LAS1L: variants seen among roughly 807,000 people sequenced by gnomAD.
LAS1L encodes the protein ribosomal biogenesis protein LAS1L.
LAS1L carries 5 observed loss-of-function variants against 57.3 expected under a neutral mutation model. The ratio of observed to expected loss-of-function variants is 0.09; its 90% CI spans 0.05 to 0.18. LAS1L has a LOEUF of 0.18. LAS1L is among the 10% of genes least tolerant of loss of function. LAS1L has a pLI of 1.00. For missense variants in LAS1L, 360 were observed against 568.3 expected, an observed-to-expected ratio of 0.63 and a Z score of 3.73; for synonymous variants, 245 against 231.7, an observed-to-expected ratio of 1.06 and a Z score of -0.52.
In LAS1L at chrX:65,523,692, C is replaced by T. The variant is rs751038156; in HGVS notation, c.1316G>A (p.Arg439Gln). 1.7e-6 allele frequency: 2 copies of T among 1,191,394 alleles called. No individual in the cohort carries two copies. Among genetic ancestry groups the T allele is most frequent in the Non-Finnish European group, 1.1e-6 (1 of 885,947 alleles). ...ANTKTGRNARRFSAGQWEARR... is the reference protein window; with the variant it reads ...ANTKTGRNARQFSAGQWEARR... Reference sequence around the variant, plus strand: ...TGCTTCCCACTGGCCTGCAGAAAATCGGCGAGCATTCCGTCCTGAGAGAGA... The same window carrying T: ...TGCTTCCCACTGGCCTGCAGAAAATTGGCGAGCATTCCGTCCTGAGAGAGA... Residue 439 changes from arginine (R) to glutamine (Q), a missense_variant, in exon 11 of 14, where the codon CGA (arginine) becomes CAA (glutamine). By Grantham distance (43) the Arg-to-Gln change is conservative. Transcript: ENST00000374811.
At chrX:65,529,071 CCT>C (rs778611799) in intron 6 of LAS1L, 139 bp downstream of exon 6, 15 of 540,285 alleles carry the variant, frequency 2.8e-5, no homozygotes, top group South Asian at 7.5e-5. Context: ...CTAGTTCCCC[CCT>C]CTCTCTTTCC....
At chrX:65,525,605 G>T (rs754933872) in intron 7 of LAS1L, among the ~76,000 whole-genome samples, 6 of 109,234 alleles carry the variant, frequency 5.5e-5, no homozygotes, top group Non-Finnish European at 1.1e-4. Flanking sequence ...AAAGTTAGAG[G>T]GGTTGCAGGA....
Position 65,515,413 on chromosome X carries a change from C to A in LAS1L, c.1928-440G>T, listed in dbSNP as rs1260349145. Among the ~76,000 whole-genome samples, 32 of 110,560 alleles carry A rather than the reference C, an allele frequency of 2.9e-4. No homozygotes were observed. The Admixed American group carries it at 3.1e-3, about 11-fold the overall frequency. On this transcript the variant is annotated intron_variant, in intron 12 of 13. Transcript: ENST00000374811. ...CAGAATTCCCAAAGCACCTCCCCCT[C>A]AAACCCCAAACCCACCAGTACCTCA...
intron 6 of LAS1L, 143 bp from the exon 7 acceptor site, chrX:65,528,512 C>T (rs2069294931): frequency 2.3e-6 from 1 of 430,518 alleles, no homozygotes; most frequent in African/African-American, 2.5e-5. Context: ...CCACAACTCC[C>T]CTACTGGCCT....
intron 11 of LAS1L, chrX:65,521,069 G>A: frequency 1.3e-6 from 1 of 751,578 alleles, no homozygotes; most frequent in African/African-American, 2.4e-5. Context: ...CTGGCAATGT[G>A]GCTGTTCAGT....
Position 65,518,292 on chromosome X carries a change from G to A in LAS1L, c.1622C>T (p.Pro541Leu), listed in dbSNP as rs1336546268. ...TTCAGACCCGAAGCTGGAGCTGGCT[G>A]GCTTGACGCTCCAATACAGGCTGTC... Reference protein sequence around the residue: ...TLDSLYWSVKPASSSFGSEAK... With the variant: ...TLDSLYWSVKLASSSFGSEAK... The change falls in exon 12 of 14, where the codon CCA becomes CTA. Residue 541 changes from proline to leucine, a missense_variant. Around this residue, in one of 7 missense-constraint regions of LAS1L, gnomAD observed 123 missense variants for 168.3 expected, o/e 0.73. Coordinates refer to ENST00000374811, the MANE Select transcript of LAS1L (RefSeq NM_031206.7). The A allele has an allele frequency of 8.3e-7, 1 of 1,212,083 alleles. No individual in the cohort carries two copies. Among genetic ancestry groups the A allele is most frequent in the South Asian group, 1.8e-5 (1 of 57,009 alleles).
intron 6 of LAS1L, 148 bp from the exon 7 acceptor site, chrX:65,528,517 T>G: frequency 2.3e-6 from 1 of 431,757 alleles, no homozygotes; most frequent in South Asian, 3.5e-5. Flanking sequence ...ACTCCCCTAC[T>G]GGCCTTGCAA....
rs148048579 is a variant in LAS1L, at chrX:65,534,711, G to A, written c.5C>T (p.Ser2Leu). M[S>L]WESGAGPGLG... The stretch of plus-strand genomic sequence containing the variant: ...ACCTGGCCCGGCCCCGGATTCCCAC[G>A]ACATACTGAGCTCAACAACAGGCTC... Residue 2 changes from serine to leucine, a missense_variant, in exon 1 of 14, where the codon TCG becomes TTG. Ser to Leu is a moderately radical substitution (Grantham distance 145, BLOSUM62 -2). This residue lies in a region of LAS1L where 36 missense variants were observed against 27.9 expected (regional missense o/e 1.29). Coordinates refer to ENST00000374811, the MANE Select transcript of LAS1L (RefSeq NM_031206.7). 125 of 1,157,426 alleles carry A rather than the reference G, an allele frequency of 1.1e-4. No homozygotes were observed. In the African/African-American group the frequency reaches 2.2e-3, roughly 20 times the overall value.
chrX:65,514,055 C>T, intron 13 of LAS1L, among the ~76,000 whole-genome samples: 1 of 112,347 alleles, frequency 8.9e-6, no homozygotes, highest in Non-Finnish European at 1.9e-5. Flanking sequence ...GGGTTCATCT[C>T]CCAGGGAGTG....
At chrX:65,526,710 A>G (rs922278563) in intron 7 of LAS1L, among the ~76,000 whole-genome samples, 1 of 111,548 alleles carries the variant, frequency 9.0e-6, no homozygotes, top group East Asian at 2.8e-4. Flanking sequence ...AAAGCCCCCA[A>G]GAGCTAGGGA....
chrX:65,529,343 CTTGAGTTGTAA>C, intron 5 of LAS1L, 85 bp from the exon 6 acceptor site: 2 of 857,187 alleles, frequency 2.3e-6, no homozygotes, highest in Non-Finnish European at 3.3e-6. Flanking sequence ...CACCTCATTT[CTTGAGTTGTAA>C]TTGAGGAACT....
At chrX:65,514,534 GCACACACACACA>G (rs56718186) in intron 13 of LAS1L, among the ~76,000 whole-genome samples, 7 of 88,834 alleles carry the variant, frequency 7.9e-5, no homozygotes, top group East Asian at 3.7e-4. Flanking sequence ...GTGTGTGCCT[GCACACACACACA>G]CACACACACA....
At position 65,529,888 on chromosome X, in the gene LAS1L, G is replaced by A; in HGVS notation, c.515-10C>T. Reference sequence around the variant, plus strand: ...AGGACAAAGTAGCAGCCTAGAGGGGGGAAGGCAGGCAGTGCCACAGGATCA... The same window carrying A: ...AGGACAAAGTAGCAGCCTAGAGGGGAGAAGGCAGGCAGTGCCACAGGATCA... On this transcript the variant is annotated splice_polypyrimidine_tract_variant and intron_variant, in intron 4 of 13. Coordinates refer to ENST00000374811, the MANE Select transcript of LAS1L (RefSeq NM_031206.7). 1 of 1,207,684 alleles carries A rather than the reference G, an allele frequency of 8.3e-7. No individual in the cohort carries two copies. Among genetic ancestry groups the A allele is most frequent in the Non-Finnish European group, 1.1e-6 (1 of 892,673 alleles).
At chrX:65,533,307 G>C (rs2069597319) in intron 2 of LAS1L, among the ~76,000 whole-genome samples, 1 of 110,078 alleles carries the variant, frequency 9.1e-6, no homozygotes, top group African/African-American at 3.3e-5. Flanking sequence ...TCAAAGGTAA[G>C]AAAAAATATC....
intron 13 of LAS1L, among the ~76,000 whole-genome samples, chrX:65,513,845 AG>A (rs2068529855): frequency 1.8e-5 from 2 of 112,106 alleles, no homozygotes; most frequent in Non-Finnish European, 3.8e-5. Flanking sequence ...GTTGGGAAGG[AG>A]GGGTAAGGGC....
rs550793645 is a variant in LAS1L at position 65,523,514 on chromosome X, C to T, written c.1448+46G>A. ...ATTCTAGGGCAGTGTGGCCCTGAGG[C>T]TTGAAGGGCCTCACCCTCTTACCGG... On this transcript the variant is annotated intron_variant, in intron 11 of 13. Transcript: ENST00000374811. 52 of 1,120,236 alleles carry T rather than the reference C, an allele frequency of 4.6e-5. 1 individual carries two copies. In the African/African-American group the frequency reaches 4.9e-4, roughly 11 times the overall value. 92.3% of individuals were successfully genotyped at this position (1,120,236 alleles called of 1,213,427 possible).
At chrX:65,532,977 G>A (rs1231912510) in intron 2 of LAS1L, among the ~76,000 whole-genome samples, 1 of 112,390 alleles carries the variant, frequency 8.9e-6, no homozygotes, top group Non-Finnish European at 1.9e-5. Context: ...CTAACCAATG[G>A]AGAAAATAAG....
intron 7 of LAS1L, among the ~76,000 whole-genome samples, chrX:65,527,282 T>A (rs1337289269): frequency 4.4e-5 from 4 of 90,336 alleles, no homozygotes; most frequent in Non-Finnish European, 8.4e-5. Flanking sequence ...ATACCTGTGA[T>A]CCCAGCACTT....
At chrX:65,531,828 C>T (rs1010110370) in intron 3 of LAS1L, among the ~76,000 whole-genome samples, 2 of 111,307 alleles carry the variant, frequency 1.8e-5, no homozygotes, top group Admixed American at 9.5e-5. Flanking sequence ...GGCTGAGGCA[C>T]GAGAATTGCT....
Sources: gnomAD v4.1 joint callset for allele counts (sites outside exome capture counted in the v4.1 genomes callset) on GRCh38, gnomAD v4.1.1 for gene constraint, gnomAD v4.1.1 regional missense constraint, MANE v1.5 for transcripts, NCBI Gene and HGNC (gene_info 2026-07-23, HGNC 2026-07-21) for gene names.